The following HSPA12A variants were observed in gnomAD, a reference collection of about 807,000 sequenced individuals.
The protein encoded by HSPA12A is heat shock protein family A (Hsp70) member 12A.
Under a neutral mutation model 69.2 loss-of-function variants are expected in HSPA12A, and 28 were observed. That is an observed-to-expected ratio of 0.40 (90% confidence interval 0.30 to 0.55). The LOEUF is 0.55. HSPA12A is among the 20% of genes least tolerant of loss of function. The probability of loss-of-function intolerance (pLI) is 0.38; values close to 1 mark genes in which losing one functional copy is unlikely to be tolerated. For missense variants in HSPA12A, 686 were observed against 900.7 expected, an observed-to-expected ratio of 0.76 and a Z score of 3.05; for synonymous variants, 345 against 370.5, an observed-to-expected ratio of 0.93 and a Z score of 0.79.
intron 5 of HSPA12A, among the ~76,000 whole-genome samples, chr10:116,696,408 C>T (rs1330665851): frequency 2.0e-5 from 3 of 152,202 alleles, no homozygotes; most frequent in Non-Finnish European, 2.9e-5. Context: ...ATAAGTCTCA[C>T]GAGATCTGAT....
Position 116,675,306 on chromosome 10 carries a change from C to T in HSPA12A, c.1503G>A (p.Gln501=), listed in dbSNP as rs1554877508. The T allele has an allele frequency of 6.2e-7, 1 of 1,613,372 alleles. No individual in the cohort carries two copies. The highest frequency in any genetic ancestry group is 8.5e-7 in the Non-Finnish European group (1 of 1,180,028). ...QQAVQAAFGD[Q]CRIIIPQDVG... ...CGTCCTGGGGGATGATGATCCGGCACTGGTCCCCAAAAGCAGCCTGCACCG... is the reference window on the plus strand; with the variant it reads ...CGTCCTGGGGGATGATGATCCGGCATTGGTCCCCAAAAGCAGCCTGCACCG... The change falls in exon 12 of 12, where the codon CAG becomes CAA. Residue 501 remains glutamine (Q), a synonymous_variant. Transcript: ENST00000369209. This position sits in a 1 kb window ranked among gnomAD's most constrained non-coding sequence, Gnocchi z 5.2.
chr10:116,834,455 C>A (rs568444141), intron 2 of HSPA12A, among the ~76,000 whole-genome samples: 3 of 151,968 alleles, frequency 2.0e-5, no homozygotes, highest in African/African-American at 4.8e-5. Flanking sequence ...AGGGAGGCAC[C>A]AAAGAAGAAG....
intron 4 of HSPA12A, among the ~76,000 whole-genome samples, chr10:116,699,132 CCT>C (rs1398190478): frequency 2.8e-5 from 4 of 141,994 alleles, no homozygotes; most frequent in African/African-American, 5.4e-5. Context: ...CAGGATCCCC[CCT>C]GATGGAGGCC....
At chr10:116,755,805 CA>C (rs11286178) in intron 2 of HSPA12A, among the ~76,000 whole-genome samples, 102,855 of 123,312 alleles carry the variant, frequency 0.83, 42,775 homozygotes, top group East Asian at 0.89. Context: ...CCATCTCTAC[CA>C]AAAAAAAAAA....
rs142419022 is a variant in HSPA12A, at chr10:116,688,833, T to C, written c.663+3518A>G. On this transcript the variant is annotated intron_variant, in intron 6 of 11. Transcript: ENST00000369209. Reference sequence around the variant, plus strand: ...ATTTTAGGCAAAATGCCCTTTGATATAAACTGGACTATTTCCTATCCACAA... The same window carrying C: ...ATTTTAGGCAAAATGCCCTTTGATACAAACTGGACTATTTCCTATCCACAA... Among the ~76,000 whole-genome samples, 460 of 152,302 alleles carry C rather than the reference T, an allele frequency of 3.0e-3. 4 individuals carry two copies. The highest frequency in any genetic ancestry group is 0.01 in the African/African-American group (432 of 41,564).
chr10:116,794,158 T>G (rs1844764339), intron 2 of HSPA12A, among the ~76,000 whole-genome samples: 1 of 151,844 alleles, frequency 6.6e-6, no homozygotes, highest in Non-Finnish European at 1.5e-5. Context: ...TGAGCCGAGA[T>G]CGCGCCACTG....
intron 1 of HSPA12A, among the ~76,000 whole-genome samples, chr10:116,709,612 G>C (rs376477777): frequency 6.6e-6 from 1 of 152,140 alleles, no homozygotes; most frequent in Admixed American, 6.5e-5. Context: ...GACAAATATT[G>C]TATCATTCCA....
At chr10:116,840,858 T>C (rs1324165682) in intron 1 of HSPA12A, among the ~76,000 whole-genome samples, 1 of 152,242 alleles carries the variant, frequency 6.6e-6, no homozygotes, top group East Asian at 1.9e-4. Context: ...TGCTCAGTGA[T>C]GTTTTAAATC....
chr10:116,770,561 G>A (rs1554890319), intron 2 of HSPA12A, among the ~76,000 whole-genome samples: 1 of 152,182 alleles, frequency 6.6e-6, no homozygotes, highest in Non-Finnish European at 1.5e-5. Flanking sequence ...GGACCCATGA[G>A]GCAGCAAGGT....
intron 2 of HSPA12A, among the ~76,000 whole-genome samples, chr10:116,777,165 G>A (rs1489095643): frequency 6.6e-5 from 10 of 152,144 alleles, no homozygotes; most frequent in African/African-American, 2.2e-4. Flanking sequence ...GTCAACACCC[G>A]GGTGTTAAGT....
intron 2 of HSPA12A, among the ~76,000 whole-genome samples, chr10:116,801,058 G>A (rs887472673): frequency 6.6e-6 from 1 of 152,152 alleles, no homozygotes; most frequent in African/African-American, 2.4e-5. Flanking sequence ...CCAAATAAAT[G>A]AGCTATGTGT....
At chr10:116,696,102 T>C (rs1554880857) in intron 5 of HSPA12A, among the ~76,000 whole-genome samples, 1 of 150,800 alleles carries the variant, frequency 6.6e-6, no homozygotes, top group Non-Finnish European at 1.5e-5. Flanking sequence ...GAAGGCTCCA[T>C]CTTAGAAGCA....
intron 1 of HSPA12A, among the ~76,000 whole-genome samples, chr10:116,727,408 C>T (rs989199123): frequency 1.3e-5 from 2 of 152,190 alleles, no homozygotes; most frequent in Non-Finnish European, 2.9e-5. Context: ...AGTGAGCAAG[C>T]TCCAATGCAC....
intron 2 of HSPA12A, among the ~76,000 whole-genome samples, chr10:116,812,705 G>A (rs1295987413): frequency 2.6e-5 from 4 of 151,886 alleles, no homozygotes; most frequent in Admixed American, 6.6e-5. Context: ...AAGGTGAGCC[G>A]ACATTCTGCT....
In HSPA12A at chr10:116,674,965, T is replaced by C. The variant is rs782065629; in HGVS notation, c.1844A>G (p.Asp615Gly). ...CGTGCCACACTTCTTCACCCCGGGA[T>C]CAGTGATGAAGCTGACGTTGTCGTG... ...SEHDNVSFIT[D>G]PGVKKCGTLR... The change falls in exon 12 of 12, where the codon GAT becomes GGT. Residue 615 changes from aspartate (D) to glycine (G), a missense_variant. Coordinates refer to ENST00000369209, the MANE Select transcript of HSPA12A (RefSeq NM_025015.3). 2 of 1,614,072 alleles carry C rather than the reference T, an allele frequency of 1.2e-6. No homozygotes were observed. Among genetic ancestry groups the C allele is most frequent in the South Asian group, 1.1e-5 (1 of 91,068 alleles).
At chr10:116,804,381 G>A (rs1845024990) in intron 2 of HSPA12A, among the ~76,000 whole-genome samples, 1 of 152,092 alleles carries the variant, frequency 6.6e-6, no homozygotes. Flanking sequence ...TGAGGGGTTG[G>A]GCCTTCGGAA....
intron 2 of HSPA12A, chr10:116,828,915 G>A (rs749781904): frequency 6.6e-6 from 1 of 152,180 alleles, no homozygotes; most frequent in Non-Finnish European, 1.5e-5. Flanking sequence ...TCTGCGATTT[G>A]TATCACTTTG....
intron 2 of HSPA12A, chr10:116,828,883 C>G (rs886578845): frequency 1.3e-5 from 2 of 152,230 alleles, no homozygotes; most frequent in African/African-American, 4.8e-5. Flanking sequence ...TCCATTCTCG[C>G]AGAAACACCA....
chr10:116,778,524 G>C (rs975277948), intron 2 of HSPA12A, among the ~76,000 whole-genome samples: 4 of 152,156 alleles, frequency 2.6e-5, no homozygotes, highest in African/African-American at 9.7e-5. Context: ...TCCTTCAAAA[G>C]GAGCTGCACT....
Sources: gnomAD v4.1 joint callset for allele counts (sites outside exome capture counted in the v4.1 genomes callset) on GRCh38, gnomAD v4.1.1 for gene constraint, Gnocchi (gnomAD v3.1) non-coding constraint, MANE v1.5 for transcripts, NCBI Gene and HGNC (gene_info 2026-07-23, HGNC 2026-07-21) for gene names.